FSTL4: variants seen among roughly 807,000 people sequenced by gnomAD.
FSTL4 encodes the protein follistatin-related protein 4.
FSTL4 carries 28 observed loss-of-function variants against 78.2 expected under a neutral mutation model. That is an observed-to-expected ratio of 0.36 (90% CI 0.27 to 0.49). The LOEUF (loss-of-function observed/expected upper bound fraction) is 0.49, where lower values mean the gene tolerates loss of function less well. Ranked by LOEUF, FSTL4 falls within the 20% of genes least tolerant of loss-of-function variation. The pLI, the probability that FSTL4 is intolerant of heterozygous loss-of-function variation, is 0.98. For missense variants in FSTL4, 922 were observed against 1,084.9 expected (o/e 0.85, Z 2.11); for synonymous variants, 422 against 440.5 (o/e 0.96, Z 0.53).
At chr5:133,487,994 C>G (rs1303205232) in intron 3 of FSTL4, among the ~76,000 whole-genome samples, 3 of 152,148 alleles carry the variant, frequency 2.0e-5, no homozygotes, top group South Asian at 2.1e-4. Context: ...CAAACACCAG[C>G]CTTTTGCAGA....
the FSTL4 span, among the ~76,000 whole-genome samples, chr5:133,673,894 T>C: frequency 6.6e-6 from 1 of 152,242 alleles, no homozygotes; most frequent in Non-Finnish European, 1.5e-5. Flanking sequence ...TTCCTCTAAG[T>C]GCCAGAATTA....
the FSTL4 span, among the ~76,000 whole-genome samples, chr5:133,640,246 C>T: frequency 1.3e-5 from 2 of 152,168 alleles, no homozygotes; most frequent in East Asian, 3.8e-4. Context: ...CAAATCCACC[C>T]GGAGAGATGT....
the FSTL4 span, among the ~76,000 whole-genome samples, chr5:133,722,653 T>A: frequency 2.8e-4 from 43 of 152,170 alleles, no homozygotes; most frequent in African/African-American, 9.7e-4. Context: ...GTAGTATCAC[T>A]TTTCCTTGCT....
At chr5:133,308,228 G>T (rs577258284) in intron 6 of FSTL4, among the ~76,000 whole-genome samples, 110 of 152,294 alleles carry the variant, frequency 7.2e-4, no homozygotes, top group African/African-American at 2.6e-3. Flanking sequence ...CTTCCTTTGG[G>T]GTAGGGGGAG....
At chr5:133,467,093 AGT>A (rs36073786) in intron 3 of FSTL4, among the ~76,000 whole-genome samples, 39 of 150,544 alleles carry the variant, frequency 2.6e-4, no homozygotes, top group Non-Finnish European at 4.6e-4. Context: ...TGAGTGTAAG[AGT>A]GTGTGTGTAT....
chr5:133,738,917 C>T, the FSTL4 span, among the ~76,000 whole-genome samples: 1 of 152,150 alleles, frequency 6.6e-6, no homozygotes, highest in South Asian at 2.1e-4. Flanking sequence ...CTCATTCCTA[C>T]TCTCACTCTT....
At chr5:133,344,455 C>G (rs990847103) in intron 4 of FSTL4, among the ~76,000 whole-genome samples, 1 of 152,206 alleles carries the variant, frequency 6.6e-6, no homozygotes. Flanking sequence ...ATACAGTGAA[C>G]CTCACGGCAG....
chr5:133,354,391 A>G (rs901348601), intron 4 of FSTL4, among the ~76,000 whole-genome samples: 1 of 152,216 alleles, frequency 6.6e-6, no homozygotes, highest in African/African-American at 2.4e-5. Flanking sequence ...TCAAAGATGG[A>G]TGGAGATGAC....
intron 4 of FSTL4, among the ~76,000 whole-genome samples, chr5:133,329,460 A>G (rs1283987638): frequency 3.9e-5 from 6 of 152,116 alleles, no homozygotes; most frequent in African/African-American, 7.2e-5. Flanking sequence ...TTCTGTTTGC[A>G]GCTCTCACAA....
At position 133,249,472 on chromosome 5, in the gene FSTL4, G is replaced by A. The variant is rs1752145154; in HGVS notation, c.832C>T (p.Pro278Ser). ...CCGTTGCGCTTCCAGATGATTGGTG[G>A]CCTCAGGTCTCCATGGACGGCGCAG... ...LTCAVHGDLR[P>S]PIIWKRNGLT... Residue 278 changes from proline to serine, a missense_variant, in exon 7 of 16, where the codon CCA becomes TCA. Physicochemically the swap from Pro to Ser is moderately conservative, Grantham distance 74. Coordinates refer to ENST00000265342, the MANE Select transcript of FSTL4 (RefSeq NM_015082.2). The A allele has an allele frequency of 1.2e-6, 2 of 1,613,482 alleles. No homozygotes were observed. Among genetic ancestry groups the A allele is most frequent in the Non-Finnish European group, 8.5e-7 (1 of 1,179,452 alleles).
intron 6 of FSTL4, among the ~76,000 whole-genome samples, chr5:133,300,848 G>A (rs908321400): frequency 1.3e-5 from 2 of 151,988 alleles, no homozygotes; most frequent in African/African-American, 2.4e-5. Flanking sequence ...TTGAGAGAAA[G>A]CAGCCCTCCA....
chr5:133,627,163 T>A, the FSTL4 span, among the ~76,000 whole-genome samples: 1 of 150,046 alleles, frequency 6.7e-6, no homozygotes, highest in East Asian at 1.9e-4. Context: ...TTTTTTTTTT[T>A]TTTTTTTTTG....
the FSTL4 span, among the ~76,000 whole-genome samples, chr5:133,832,091 C>A: frequency 3.9e-5 from 6 of 152,272 alleles, no homozygotes; most frequent in South Asian, 1.0e-3. Context: ...TTAGCACTTG[C>A]GGACTTAACT....
chr5:133,536,918 G>T (rs1249739779), intron 3 of FSTL4, among the ~76,000 whole-genome samples: 1 of 152,100 alleles, frequency 6.6e-6, no homozygotes, highest in Non-Finnish European at 1.5e-5. Context: ...ATGAACAGAG[G>T]TGCTAGAACT....
chr5:133,273,214 C>G (rs886160843), intron 6 of FSTL4, among the ~76,000 whole-genome samples: 2 of 152,194 alleles, frequency 1.3e-5, no homozygotes, highest in Non-Finnish European at 2.9e-5. Context: ...AAAGAAGAAA[C>G]AGCTGATAGT....
At chr5:133,312,833 A>G in intron 5 of FSTL4, 56 bp from the exon 6 acceptor site, 1 of 1,583,886 alleles carries the variant, frequency 6.3e-7, no homozygotes, top group South Asian at 1.1e-5. Flanking sequence ...AGTCATAGGC[A>G]TTGATGAAAA....
chr5:133,291,664 G>A (rs1486444746), intron 6 of FSTL4, among the ~76,000 whole-genome samples: 1 of 152,214 alleles, frequency 6.6e-6, no homozygotes, highest in Admixed American at 6.5e-5. Context: ...GGCCTGATCT[G>A]CAGAGAGGTC....
the FSTL4 span, among the ~76,000 whole-genome samples, chr5:133,777,559 C>T: frequency 2.0e-5 from 3 of 152,210 alleles, no homozygotes; most frequent in South Asian, 4.1e-4. Flanking sequence ...AGTCTCCTCC[C>T]AAGACAATCA....
rs549363403 is a variant in FSTL4 at position 133,301,387 on chromosome 5, G to A, written c.727+11267C>T. Among the ~76,000 whole-genome samples the A allele has an allele frequency of 6.6e-5, 10 of 152,274 alleles. No individual in the cohort carries two copies. The East Asian group carries it at 1.4e-3, about 21-fold the overall frequency. ...AGATGCCTCTCATGGCATCTGGCAC[G>A]TGGTGAGCACGCAGCCTGCAGTGTT... On this transcript the variant is annotated intron_variant, in intron 6 of 15. Coordinates refer to ENST00000265342, the MANE Select transcript of FSTL4 (RefSeq NM_015082.2).
Sources: allele counts gnomAD v4.1 joint callset (sites outside exome capture counted in the v4.1 genomes callset), GRCh38; gene constraint gnomAD v4.1.1; transcripts MANE v1.5; gene names NCBI Gene and HGNC (gene_info 2026-07-23, HGNC 2026-07-21).